PHACTR2: variants seen among roughly 807,000 people sequenced by gnomAD.
PHACTR2 encodes the protein chromosome 6 open reading frame 56.
PHACTR2 carries 30 observed loss-of-function variants against 76.0 expected under a neutral mutation model. That is an observed-to-expected ratio of 0.39 (90% CI 0.30 to 0.54). PHACTR2 has a LOEUF of 0.54. Among genes scored for constraint, PHACTR2 ranks in the 20% least tolerant of loss-of-function variants. The pLI, the probability that PHACTR2 is intolerant of heterozygous loss-of-function variation, is 0.61. For missense variants in PHACTR2, 696 were observed against 781.1 expected (o/e 0.89, Z 1.30); for synonymous variants, 292 against 292.5 (o/e 1.00, Z 0.02).
chr6:143,714,604 T>C (rs1778260690), intron 2 of PHACTR2, among the ~76,000 whole-genome samples: 1 of 152,242 alleles, frequency 6.6e-6, no homozygotes. Flanking sequence ...TCTCTGGCCT[T>C]GTTTTAAAGC....
intron 4 of PHACTR2, among the ~76,000 whole-genome samples, chr6:143,756,913 G>A (rs575716770): frequency 6.6e-6 from 1 of 152,142 alleles, no homozygotes; most frequent in Non-Finnish European, 1.5e-5. Flanking sequence ...TGGGTGTGGT[G>A]GTGGGCACCT....
intron 11 of PHACTR2, among the ~76,000 whole-genome samples, chr6:143,804,061 C>T (rs943645949): frequency 9.9e-5 from 15 of 152,278 alleles, no homozygotes; most frequent in African/African-American, 3.6e-4. Flanking sequence ...ACAAACCACC[C>T]CAGAATTTAG....
rs1438105647 is a variant in PHACTR2 at position 143,825,342 on chromosome 6, C to T, written c.*1653C>T. ...TTTAAAGAACCACTTGAAATCGGAT[C>T]ATTTTATTTAAAAATAAAAAATGTT... On this transcript the variant is annotated 3_prime_UTR_variant, in exon 13 of 13. Coordinates refer to ENST00000440869, the MANE Select transcript of PHACTR2 (RefSeq NM_001100164.2). The surrounding 1 kb of genome is among the most constrained non-coding windows in gnomAD (Gnocchi z 4.1). The T allele has an allele frequency of 6.6e-6, 1 of 152,178 alleles. No homozygotes were observed. The highest frequency in any genetic ancestry group is 1.9e-4 in the East Asian group (1 of 5,202). The allele number at this position is 152,178 out of a possible 1,614,324, so 9.4% of individuals were successfully genotyped here.
rs1483212504 is a variant in PHACTR2 at position 143,589,092 on chromosome 6, A to G, written c.217+51885A>G. 1.3e-5 allele frequency among the ~76,000 whole-genome samples: 2 copies of G among 152,220 alleles called. No individual in the cohort carries two copies. Among genetic ancestry groups the G allele is most frequent in the Non-Finnish European group, 2.9e-5 (2 of 68,044 alleles). On this transcript the variant is annotated intron_variant, in intron 1 of 11. Transcript: ENST00000367584. This position sits in a 1 kb window ranked among gnomAD's most constrained non-coding sequence, Gnocchi z 4.4. ...TTAAATAACAGAAATTTATTTTCTC[A>G]CAGCTCTGGAGGCTGGAAGTCCAAG...
intron 1 of PHACTR2, among the ~76,000 whole-genome samples, chr6:143,569,938 C>G (rs114226989): frequency 6.6e-6 from 1 of 152,162 alleles, no homozygotes; most frequent in Admixed American, 6.5e-5. Context: ...AAATCTCCAC[C>G]AGACCAGGAG....
At position 143,757,072 on chromosome 6, in the gene PHACTR2, T is replaced by A. The variant is rs540557834; in HGVS notation, c.454+3160T>A. On this transcript the variant is annotated intron_variant, in intron 4 of 12. Coordinates refer to ENST00000440869, the MANE Select transcript of PHACTR2 (RefSeq NM_001100164.2). The surrounding 1 kb of genome is among the most constrained non-coding windows in gnomAD (Gnocchi z 4.2). ...AGAAAATAATAATAATTTTAAATAA[T>A]AAGATTTTATAAGAATTCTAAGAAA... Among the ~76,000 whole-genome samples, 43 of 152,216 alleles carry A rather than the reference T, an allele frequency of 2.8e-4. 1 individual carries two copies. The Middle Eastern group carries it at 0.02, about 72-fold the overall frequency.
rs1315374414 is a variant in PHACTR2 at position 143,730,934 on chromosome 6, G to C, written c.215-18051G>C. On this transcript the variant is annotated intron_variant, in intron 2 of 12. Transcript: ENST00000440869. The surrounding 1 kb of genome is among the most constrained non-coding windows in gnomAD (Gnocchi z 4.8). Reference sequence around the variant, plus strand: ...GGCTAATTTTTGTATTTTTAGTAGAGACGGGGTTTCACTATGTTGGCCCCA... The same window carrying C: ...GGCTAATTTTTGTATTTTTAGTAGACACGGGGTTTCACTATGTTGGCCCCA... Among the ~76,000 whole-genome samples, 1 of 152,118 alleles carries C rather than the reference G, an allele frequency of 6.6e-6. No homozygotes were observed. The highest frequency in any genetic ancestry group is 6.5e-5 in the Admixed American group (1 of 15,268).
At chr6:143,676,466 G>C (rs992621955), upstream of PHACTR2, among the ~76,000 whole-genome samples, 1 of 152,166 alleles carries the variant, frequency 6.6e-6, no homozygotes, top group Non-Finnish European at 1.5e-5. The surrounding 1 kb of genome is among the most constrained non-coding windows in gnomAD (Gnocchi z 4.8). Context: ...CCTCTGATCA[G>C]TGACCTCCCT....
rs1776394095 is a variant in PHACTR2 at position 143,820,480 on chromosome 6, T to C, written c.1923-3194T>C. Among the ~76,000 whole-genome samples, 1 of 152,188 alleles carries C rather than the reference T, an allele frequency of 6.6e-6. No homozygotes were observed. Among genetic ancestry groups the C allele is most frequent in the African/African-American group, 2.4e-5 (1 of 41,438 alleles). On this transcript the variant is annotated intron_variant, in intron 12 of 12. Coordinates refer to ENST00000440869, the MANE Select transcript of PHACTR2 (RefSeq NM_001100164.2). This position sits in a 1 kb window ranked among gnomAD's most constrained non-coding sequence, Gnocchi z 4.2. ...CAAAAGAAGGTGGCTACAGGCCCCA[T>C]GCAAGTTCAAAACCCAACAAGGCAG... is the stretch of plus-strand genomic sequence containing the variant.
At chr6:143,665,368 T>C (rs1582749436) in intron 1 of PHACTR2, among the ~76,000 whole-genome samples, 1 of 152,212 alleles carries the variant, frequency 6.6e-6, no homozygotes. Flanking sequence ...TGTGTTTAGG[T>C]ATACATTGAT....
rs1422528397 is a variant in PHACTR2, at chr6:143,827,153, AAAATAT to A, written c.*3466_*3471del. 1.8e-5 allele frequency: 1 copy of A among 54,114 alleles called. No homozygotes were observed. The highest frequency in any genetic ancestry group is 3.9e-5 in the Non-Finnish European group (1 of 25,732). The allele number at this position is 54,114 out of a possible 1,614,324, so 3.4% of individuals were successfully genotyped here. A position where few individuals can be genotyped will look rare whatever the true frequency, so the allele number is the denominator to read the frequency against. On this transcript the variant is annotated 3_prime_UTR_variant, in exon 13 of 13. Coordinates refer to ENST00000440869, the MANE Select transcript of PHACTR2 (RefSeq NM_001100164.2). ...CAGGGCTGCGTTGGCATTAAAAAAG[AAAATAT>A]ATATATATATATATATATATATATA...
rs534002411 is a variant in PHACTR2 at position 143,578,070 on chromosome 6, G to A, written c.217+40863G>A. 2.2e-3 allele frequency among the ~76,000 whole-genome samples: 336 copies of A among 152,214 alleles called. 1 individual carries two copies. The highest frequency in any genetic ancestry group is 7.6e-3 in the African/African-American group (317 of 41,528). On this transcript the variant is annotated intron_variant, in intron 1 of 11. Transcript: ENST00000367584. The surrounding 1 kb of genome is among the most constrained non-coding windows in gnomAD (Gnocchi z 4.5). ...ATTCCACAGTCAACTTGCTTACTAGGCCCCTCCCTTTCCCTCTCATGGATT... is the reference window on the plus strand; with the variant it reads ...ATTCCACAGTCAACTTGCTTACTAGACCCCTCCCTTTCCCTCTCATGGATT...
Position 143,663,035 on chromosome 6 carries a change from A to G in PHACTR2, c.14-48981A>G. ...CTGCATCCATGTTGCTGCAAAGGAC[A>G]TTATTTCATTCTTTTTTTATGGCTG... is the stretch of plus-strand genomic sequence containing the variant. On this transcript the variant is annotated intron_variant, in intron 1 of 11. Coordinates refer to the PHACTR2 transcript ENST00000305766. The surrounding 1 kb of genome is among the most constrained non-coding windows in gnomAD (Gnocchi z 4.1). 6.6e-6 allele frequency among the ~76,000 whole-genome samples: 1 copy of G among 152,160 alleles called. No homozygotes were observed. Among genetic ancestry groups the G allele is most frequent in the East Asian group, 1.9e-4 (1 of 5,202 alleles).
At chr6:143,582,100 C>T (rs149198761) in intron 1 of PHACTR2, among the ~76,000 whole-genome samples, 1 of 152,274 alleles carries the variant, frequency 6.6e-6, no homozygotes, top group African/African-American at 2.4e-5. Flanking sequence ...ATAGATTTGG[C>T]ACTAGAATTT....
intron 1 of PHACTR2, among the ~76,000 whole-genome samples, chr6:143,681,165 C>A (rs9496727): frequency 0.074 from 11,258 of 152,104 alleles, 701 homozygotes; most frequent in African/African-American, 0.17. Flanking sequence ...TATGTTTAAC[C>A]TTTTATGGTG....
At chr6:143,725,213 T>A (rs1307333768) in intron 2 of PHACTR2, among the ~76,000 whole-genome samples, 1 of 140,302 alleles carries the variant, frequency 7.1e-6, no homozygotes, top group African/African-American at 2.7e-5. Flanking sequence ...TTTTTTTTTT[T>A]TTTTTTTTTT....
At chr6:143,638,422 A>G (rs959108623) in intron 1 of PHACTR2, among the ~76,000 whole-genome samples, 3 of 151,956 alleles carry the variant, frequency 2.0e-5, no homozygotes, top group African/African-American at 7.3e-5. Flanking sequence ...GTGCATGCCC[A>G]TAGTCCCAGC....
chr6:143,787,693 G>A lies in PHACTR2; in HGVS notation c.1708-1080G>A, dbSNP rs979753267. On this transcript the variant is annotated intron_variant, in intron 10 of 12. Transcript: ENST00000440869. The surrounding 1 kb of genome is among the most constrained non-coding windows in gnomAD (Gnocchi z 4.6). The stretch of plus-strand genomic sequence containing the variant: ...TTTGGGAGGCTGAGATGGGAGAATC[G>A]CTTGAGCCCAAGAGTTCAAGACCAG... 5.9e-5 allele frequency among the ~76,000 whole-genome samples: 9 copies of A among 152,056 alleles called. No homozygotes were observed. The highest frequency in any genetic ancestry group is 1.2e-4 in the African/African-American group (5 of 41,394).
chr6:143,823,001 G>A lies in PHACTR2; in HGVS notation c.1923-673G>A, dbSNP rs1026084141. ...AGACAGGCAGTTGAGGCAGGACTTG[G>A]TGACTAATAGGAAATGCTGGATGAG... On this transcript the variant is annotated intron_variant, in intron 12 of 12. Transcript: ENST00000440869. The surrounding 1 kb of genome is among the most constrained non-coding windows in gnomAD (Gnocchi z 5.7). Among the ~76,000 whole-genome samples, 1 of 152,238 alleles carries A rather than the reference G, an allele frequency of 6.6e-6. No individual in the cohort carries two copies. Among genetic ancestry groups the A allele is most frequent in the African/African-American group, 2.4e-5 (1 of 41,462 alleles).
Sources: gnomAD v4.1 joint callset for allele counts (sites outside exome capture counted in the v4.1 genomes callset) on GRCh38, gnomAD v4.1.1 for gene constraint, Gnocchi (gnomAD v3.1) non-coding constraint, MANE v1.5 for transcripts, NCBI Gene and HGNC (gene_info 2026-07-23, HGNC 2026-07-21) for gene names.